Variants in GRIN2B observed in about 807,000 individuals in gnomAD.
GRIN2B encodes the protein glutamate receptor ionotropic, NMDA 2B.
In GRIN2B, 5 loss-of-function variants were observed where a neutral mutation model predicts 114.5. The observed-to-expected ratio is 0.04, with a 90% CI of 0.02 to 0.09. GRIN2B has a LOEUF of 0.09. Ranked by LOEUF, GRIN2B falls within the 10% of genes least tolerant of loss-of-function variation. GRIN2B has a pLI of 1.00. For synonymous variants in GRIN2B, 787 were observed against 745.1 expected, an observed-to-expected ratio of 1.06 and a Z score of -0.92; for missense variants, 1,108 against 1,943.5, an observed-to-expected ratio of 0.57 and a Z score of 8.08.
intron 3 of GRIN2B, among the ~76,000 whole-genome samples, chr12:13,784,890 G>A (rs1864196519): frequency 6.6e-6 from 1 of 152,238 alleles, no homozygotes; most frequent in South Asian, 2.1e-4. Context: ...AGTGAGTCCA[G>A]TTGAGACTAG....
At chr12:13,842,102 G>A (rs971313702) in intron 3 of GRIN2B, among the ~76,000 whole-genome samples, 2 of 152,066 alleles carry the variant, frequency 1.3e-5, no homozygotes, top group South Asian at 2.1e-4. Context: ...GAGGCTTGAC[G>A]AAGGGACTGC....
intron 2 of GRIN2B, among the ~76,000 whole-genome samples, chr12:13,901,719 A>G (rs778693528): frequency 2.0e-5 from 3 of 152,094 alleles, no homozygotes; most frequent in Admixed American, 1.3e-4. Flanking sequence ...TTGACAAATA[A>G]AAGACTTTAA....
intron 2 of GRIN2B, among the ~76,000 whole-genome samples, chr12:13,937,503 A>G (rs200185712): frequency 1.9e-3 from 6 of 3,114 alleles, no homozygotes; most frequent in Non-Finnish European, 5.0e-3. Flanking sequence ...CCAAAAAAAG[A>G]AAAAAAAAGA....
Position 13,650,506 on chromosome 12 carries a change from C to T in GRIN2B, c.1125+25239G>A, listed in dbSNP as rs148169862. ...TACATGTGTGTTGATTTATCTTACC[C>T]ATGAAATCTTAAAAGGTAGAGATTC... On this transcript the variant is annotated intron_variant, in intron 5 of 13. Coordinates refer to ENST00000609686, the MANE Select transcript of GRIN2B (RefSeq NM_000834.5). 1.6e-3 allele frequency among the ~76,000 whole-genome samples: 250 copies of T among 152,154 alleles called. 1 individual carries two copies. The highest frequency in any genetic ancestry group is 5.5e-3 in the African/African-American group (227 of 41,526).
At chr12:13,817,212 T>C (rs1467764766) in intron 3 of GRIN2B, among the ~76,000 whole-genome samples, 1 of 152,186 alleles carries the variant, frequency 6.6e-6, no homozygotes, top group Non-Finnish European at 1.5e-5. Flanking sequence ...GCTAGCTTTG[T>C]AGCCCTCGTG....
intron 10 of GRIN2B, among the ~76,000 whole-genome samples, chr12:13,578,456 C>T (rs1948805829): frequency 6.6e-6 from 1 of 152,144 alleles, no homozygotes; most frequent in South Asian, 2.1e-4. Context: ...TATAGGTGCT[C>T]CCATCTCCAG....
chr12:13,633,282 T>G (rs1369255011), intron 5 of GRIN2B, among the ~76,000 whole-genome samples: 1 of 152,228 alleles, frequency 6.6e-6, no homozygotes, highest in African/African-American at 2.4e-5. Context: ...TTCTCAGGCA[T>G]CTCTCCAGAA....
intron 3 of GRIN2B, among the ~76,000 whole-genome samples, chr12:13,790,123 T>C (rs753912858): frequency 1.6e-4 from 24 of 152,238 alleles, no homozygotes; most frequent in Non-Finnish European, 5.9e-5. Context: ...AGTACAGGCC[T>C]GGATTAATCC....
At chr12:13,847,623 G>A (rs1243412091) in intron 3 of GRIN2B, among the ~76,000 whole-genome samples, 1 of 152,064 alleles carries the variant, frequency 6.6e-6, no homozygotes, top group African/African-American at 2.4e-5. Context: ...ATGGGGGGGA[G>A]GACAAGGTGG....
rs1948487271 is a variant in GRIN2B, at chr12:13,557,205, T to C, written c.*5578A>G. 1 of 152,164 alleles carries C rather than the reference T, an allele frequency of 6.6e-6. No individual in the cohort carries two copies. The highest frequency in any genetic ancestry group is 2.1e-4 in the South Asian group (1 of 4,828). 9.4% of individuals were successfully genotyped at this position (152,164 alleles called of 1,614,324 possible). A position where few individuals can be genotyped will look rare whatever the true frequency, so the allele number is the denominator to read the frequency against. On this transcript the variant is annotated 3_prime_UTR_variant, in exon 14 of 14. Coordinates refer to ENST00000609686, the MANE Select transcript of GRIN2B (RefSeq NM_000834.5). ...TGCAACCCCACCCCCCAAACTAGAA[T>C]AGAATCCTAGATTCAGATCAATATT...
chr12:13,884,824 C>T (rs1866128951), intron 2 of GRIN2B, among the ~76,000 whole-genome samples: 1 of 152,034 alleles, frequency 6.6e-6, no homozygotes. Context: ...TATATATATA[C>T]ATATTTTTGT....
At chr12:13,974,734 C>A (rs1194277739) in intron 2 of GRIN2B, among the ~76,000 whole-genome samples, 1 of 151,970 alleles carries the variant, frequency 6.6e-6, no homozygotes. Context: ...AGATCCTGGG[C>A]TACACCACTA....
chr12:13,896,860 T>C (rs114683972), intron 2 of GRIN2B, among the ~76,000 whole-genome samples: 1,851 of 152,304 alleles, frequency 0.012, 40 homozygotes, highest in African/African-American at 0.043. Flanking sequence ...GTAAGCTGTT[T>C]AAACTTTCTA....
At chr12:13,579,040 T>A (rs901661203) in intron 10 of GRIN2B, among the ~76,000 whole-genome samples, 1 of 152,048 alleles carries the variant, frequency 6.6e-6, no homozygotes, top group African/African-American at 2.4e-5. Flanking sequence ...AAGGGGGCTG[T>A]CTCGATGGTG....
chr12:13,813,944 C>G lies in GRIN2B; in HGVS notation c.411+51854G>C, dbSNP rs532292440. On this transcript the variant is annotated intron_variant, in intron 3 of 13. Coordinates refer to ENST00000609686, the MANE Select transcript of GRIN2B (RefSeq NM_000834.5). ...CTAATAGTCTGTATGCTTCTGTGCA[C>G]ATGTATTCTCATGCATCATCATGGA... 2.6e-5 allele frequency among the ~76,000 whole-genome samples: 4 copies of G among 152,280 alleles called. No homozygotes were observed. In the South Asian group the frequency reaches 8.3e-4, roughly 32 times the overall value.
intron 10 of GRIN2B, among the ~76,000 whole-genome samples, chr12:13,598,100 C>T (rs937688804): frequency 1.1e-4 from 16 of 152,162 alleles, no homozygotes; most frequent in Non-Finnish European, 1.6e-4. Context: ...TGGCTGGCAC[C>T]GCAGTGGTCT....
At chr12:13,840,164 C>T (rs1399260910) in intron 3 of GRIN2B, among the ~76,000 whole-genome samples, 1 of 152,134 alleles carries the variant, frequency 6.6e-6, no homozygotes, top group African/African-American at 2.4e-5. Flanking sequence ...TCAGCCTGTG[C>T]CTCTCAGTTC....
chr12:13,738,573 C>G (rs1863223580), intron 4 of GRIN2B, among the ~76,000 whole-genome samples: 1 of 152,184 alleles, frequency 6.6e-6, no homozygotes, highest in East Asian at 1.9e-4. Flanking sequence ...ATGTTCATAT[C>G]CTGTACCCTT....
At chr12:13,768,514 T>A (rs1190036839) in intron 3 of GRIN2B, among the ~76,000 whole-genome samples, 11 of 152,180 alleles carry the variant, frequency 7.2e-5, no homozygotes, top group Admixed American at 7.2e-4. Context: ...GTGGCTCAGA[T>A]GCAAGTGGAA....
Sources: allele counts gnomAD v4.1 joint callset (sites outside exome capture counted in the v4.1 genomes callset), GRCh38; gene constraint gnomAD v4.1.1; transcripts MANE v1.5; gene names NCBI Gene and HGNC (gene_info 2026-07-23, HGNC 2026-07-21).